MEGF11: variants seen among roughly 807,000 people sequenced by gnomAD.
The protein encoded by MEGF11 is multiple epidermal growth factor-like domains protein 11.
Under a neutral mutation model 146.6 loss-of-function variants are expected in MEGF11, and 126 were observed. The observed-to-expected ratio is 0.86, with a 90% CI of 0.74 to 1.00. The LOEUF is 1.00. Among genes scored for constraint, MEGF11 ranks in the 50% least tolerant of loss-of-function variants. The pLI, the probability that MEGF11 is intolerant of heterozygous loss-of-function variation, is 0.00. For missense variants in MEGF11, 1,509 were observed against 1,521.2 expected (o/e 0.99, Z 0.13); for synonymous variants, 532 against 583.4 (o/e 0.91, Z 1.27).
intron 1 of MEGF11, among the ~76,000 whole-genome samples, chr15:66,197,115 T>C (rs1454476273): frequency 1.3e-5 from 2 of 152,234 alleles, no homozygotes; most frequent in Non-Finnish European, 2.9e-5. Context: ...ATACAGTTCT[T>C]AGACACTTCA....
At chr15:65,972,677 T>C (rs1336956153) in intron 7 of MEGF11, among the ~76,000 whole-genome samples, 2 of 151,896 alleles carry the variant, frequency 1.3e-5, no homozygotes, top group Non-Finnish European at 2.9e-5. Flanking sequence ...AGGAAAAAAA[T>C]AATTTCCAAC....
Position 66,211,347 on chromosome 15 carries a change from C to G in MEGF11, c.-9+42258G>C, listed in dbSNP as rs181666580. Among the ~76,000 whole-genome samples, 1,180 of 152,108 alleles carry G rather than the reference C, an allele frequency of 7.8e-3. 7 individuals carry two copies. Among genetic ancestry groups the G allele is most frequent in the Middle Eastern group, 0.044 (13 of 294 alleles). On this transcript the variant is annotated intron_variant, in intron 1 of 25. Transcript: ENST00000395614. ...GACCATCTTGGCTAACACGGTGAAA[C>G]CCCGTCTCTACTAAAAATACAAAAA... is the stretch of plus-strand genomic sequence containing the variant.
At chr15:65,939,597 C>T (rs776702261) in intron 10 of MEGF11, among the ~76,000 whole-genome samples, 14 of 151,480 alleles carry the variant, frequency 9.2e-5, no homozygotes, top group African/African-American at 2.9e-4. Flanking sequence ...CGGGTTCAAG[C>T]GATTCTCCTG....
chr15:65,981,245 CA>C (rs1397685674), intron 6 of MEGF11, among the ~76,000 whole-genome samples: 3 of 152,192 alleles, frequency 2.0e-5, no homozygotes, highest in African/African-American at 7.2e-5. Context: ...GAAGGAAGGG[CA>C]TGCCAGGCCA....
intron 5 of MEGF11, among the ~76,000 whole-genome samples, chr15:66,025,244 T>C (rs574512742): frequency 6.6e-5 from 10 of 152,328 alleles, no homozygotes; most frequent in African/African-American, 2.4e-4. Flanking sequence ...CTCCTCTCCT[T>C]GCCCCCTCCT....
chr15:66,189,315 G>A (rs562553789), intron 1 of MEGF11, among the ~76,000 whole-genome samples: 16 of 152,228 alleles, frequency 1.1e-4, no homozygotes, highest in Non-Finnish European at 1.9e-4. Flanking sequence ...CTGAGGGGAG[G>A]GGGACAGATG....
chr15:66,005,975 G>C (rs184201988), intron 5 of MEGF11, among the ~76,000 whole-genome samples: 2 of 152,172 alleles, frequency 1.3e-5, no homozygotes, highest in African/African-American at 4.8e-5. Context: ...TCGATCCACC[G>C]AAATGGCTGT....
At chr15:66,192,034 C>T (rs371751234) in intron 1 of MEGF11, among the ~76,000 whole-genome samples, 1 of 152,052 alleles carries the variant, frequency 6.6e-6, no homozygotes, top group African/African-American at 2.4e-5. Flanking sequence ...GCCGAGATCA[C>T]GCCACTGCAC....
At chr15:66,091,709 T>C (rs2086330563) in intron 5 of MEGF11, among the ~76,000 whole-genome samples, 1 of 152,188 alleles carries the variant, frequency 6.6e-6, no homozygotes, top group Admixed American at 6.5e-5. Context: ...TAAAATTCAA[T>C]ATATAGTAGC....
intron 10 of MEGF11, among the ~76,000 whole-genome samples, chr15:65,932,605 G>A (rs2079618288): frequency 6.6e-6 from 1 of 152,060 alleles, no homozygotes; most frequent in South Asian, 2.1e-4. Flanking sequence ...AGCTGGGAAT[G>A]TGCTAGGGGT....
At chr15:66,100,124 G>A (rs550337306) in intron 4 of MEGF11, among the ~76,000 whole-genome samples, 104 of 152,326 alleles carry the variant, frequency 6.8e-4, no homozygotes, top group Non-Finnish European at 1.3e-3. Context: ...CTGCCCCCGT[G>A]CACGCTCTGC....
chr15:66,058,163 G>A (rs2084755887), intron 5 of MEGF11, among the ~76,000 whole-genome samples: 1 of 152,076 alleles, frequency 6.6e-6, no homozygotes, highest in Admixed American at 6.5e-5. Context: ...ACAGATGGAA[G>A]CCGGGGCCAT....
intron 4 of MEGF11, among the ~76,000 whole-genome samples, chr15:66,100,407 G>A (rs754003814): frequency 5.9e-5 from 9 of 152,182 alleles, no homozygotes; most frequent in Non-Finnish European, 1.3e-4. Context: ...GACAAGGGCC[G>A]CACTTCAATT....
chr15:66,178,249 G>T (rs995593207), intron 1 of MEGF11, among the ~76,000 whole-genome samples: 1 of 152,164 alleles, frequency 6.6e-6, no homozygotes, highest in Non-Finnish European at 1.5e-5. Context: ...GCTTCCCAAA[G>T]TGCTATGATT....
chr15:65,937,344 C>G (rs929547310), intron 10 of MEGF11, among the ~76,000 whole-genome samples: 2 of 152,218 alleles, frequency 1.3e-5, no homozygotes, highest in African/African-American at 4.8e-5. Flanking sequence ...GCAACTCTGC[C>G]TACTCCCTCA....
intron 10 of MEGF11, among the ~76,000 whole-genome samples, chr15:65,942,541 C>G (rs2080033042): frequency 1.3e-5 from 2 of 149,830 alleles, no homozygotes; most frequent in African/African-American, 4.9e-5. Flanking sequence ...ATGATGATGA[C>G]TATGGTGGTG....
chr15:66,017,948 G>A (rs1024265459), intron 5 of MEGF11, among the ~76,000 whole-genome samples: 5 of 152,198 alleles, frequency 3.3e-5, no homozygotes, highest in South Asian at 2.1e-4. Flanking sequence ...GGAAGGAGCC[G>A]CTCGCAGGGC....
At chr15:66,192,349 A>T (rs145941530) in intron 1 of MEGF11, among the ~76,000 whole-genome samples, 7,232 of 151,826 alleles carry the variant, frequency 0.048, 571 homozygotes, top group African/African-American at 0.16. Context: ...GTGCACCTAT[A>T]ATCCCAGCTA....
In MEGF11 at chr15:65,960,073, TATCA is replaced by T. The variant is rs112046365; in HGVS notation, c.1113-2356_1113-2353del. On this transcript the variant is annotated intron_variant, in intron 9 of 25. Coordinates refer to ENST00000395614, the MANE Select transcript of MEGF11 (RefSeq NM_001385028.1). ...AGCACTTTGTATACAAAGCCATTTC[TATCA>T]ATCAATGCTGCATCTGTTGGCTAAA... Among the ~76,000 whole-genome samples the T allele has an allele frequency of 4.3e-3, 652 of 151,628 alleles. 1 individual carries two copies. The highest frequency in any genetic ancestry group is 0.014 in the African/African-American group (602 of 41,556).
Sources: gnomAD v4.1 joint callset for allele counts (sites outside exome capture counted in the v4.1 genomes callset) on GRCh38, gnomAD v4.1.1 for gene constraint, MANE v1.5 for transcripts, NCBI Gene and HGNC (gene_info 2026-07-23, HGNC 2026-07-21) for gene names.